The following RSBN1 variants were observed in gnomAD, a reference collection of about 807,000 sequenced individuals.
The protein encoded by RSBN1 is round spermatid basic protein 1.
A neutral mutation model predicts 74.8 loss-of-function variants in RSBN1; 23 were observed. The ratio of observed to expected loss-of-function variants is 0.31; its 90% CI spans 0.22 to 0.44. The LOEUF (loss-of-function observed/expected upper bound fraction) is 0.44, where lower values mean the gene tolerates loss of function less well. Among genes scored for constraint, RSBN1 ranks in the 20% least tolerant of loss-of-function variants. The pLI, the probability that RSBN1 is intolerant of heterozygous loss-of-function variation, is 1.00. For missense variants in RSBN1, 808 were observed against 1,020.9 expected (o/e 0.79, Z 2.84); for synonymous variants, 407 against 379.6 (o/e 1.07, Z -0.84).
chr1:113,811,911 A>C lies in RSBN1; in HGVS notation c.502T>G (p.Ser168Ala), dbSNP rs768643472. The change falls in exon 1 of 7, where the codon TCG becomes GCG. Residue 168 changes from serine (S) to alanine (A), a missense_variant. Ser to Ala is a moderately conservative substitution (Grantham distance 99). Around this residue, in one of 6 missense-constraint regions of RSBN1, gnomAD observed 464 missense variants for 401.0 expected, o/e 1.16. Transcript: ENST00000261441. ...VAAPLPAPST[S>A]ALFTFSPLTV... ...AGAGGCGAGAAGGTGAAGAGGGCCG[A>C]GGTGCTTGGGGCCGGGAGAGGGGCA... 12 of 1,608,724 alleles carry C rather than the reference A, an allele frequency of 7.5e-6. No homozygotes were observed. In the African/African-American group the frequency reaches 1.5e-4, roughly 20 times the overall value.
chr1:113,777,214 G>A lies in RSBN1; in HGVS notation c.1654C>T (p.Arg552Ter), dbSNP rs1660049718. Reference protein sequence around the residue: ...ADMPKSPFKRRRSMNEIKNLQ... With the variant: ...ADMPKSPFKR ...TTGAGAAAAAGAAATATTTACCGTCGTCTTTTGAAGGGTGACTTTGGCATA... is the reference window on the plus strand; with the variant it reads ...TTGAGAAAAAGAAATATTTACCGTCATCTTTTGAAGGGTGACTTTGGCATA... Residue 552 changes from arginine to a stop codon, truncating the protein, a stop_gained, in exon 4 of 7, where the codon CGA becomes TGA. Transcript: ENST00000261441. LOFTEE classifies it high-confidence loss of function. 2.5e-6 allele frequency: 4 copies of A among 1,601,064 alleles called. No homozygotes were observed. Among genetic ancestry groups the A allele is most frequent in the African/African-American group, 1.3e-5 (1 of 74,526 alleles).
intron 2 of RSBN1, among the ~76,000 whole-genome samples, chr1:113,779,531 T>C (rs202020574): frequency 6.6e-6 from 1 of 152,210 alleles, no homozygotes; most frequent in South Asian, 2.1e-4. Flanking sequence ...AAGTTTGGTA[T>C]GATCATCATG....
chr1:113,788,155 T>C (rs112332353), intron 2 of RSBN1, among the ~76,000 whole-genome samples: 416 of 152,088 alleles, frequency 2.7e-3, no homozygotes, highest in African/African-American at 9.6e-3. Context: ...ATTAAGAAGC[T>C]AGTTAAATCT....
Position 113,803,053 on chromosome 1 carries a change from T to C in RSBN1, c.704-5017A>G, listed in dbSNP as rs560027446. Among the ~76,000 whole-genome samples the C allele has an allele frequency of 1.2e-4, 18 of 152,242 alleles. No homozygotes were observed. In the South Asian group the frequency reaches 1.4e-3, roughly 12 times the overall value. On this transcript the variant is annotated intron_variant, in intron 1 of 6. Coordinates refer to ENST00000261441, the MANE Select transcript of RSBN1 (RefSeq NM_018364.5). ...AGCAACCACTGATCTTTTAACTTTCTTGATAGTTTTGCCTTTTCCAGAGTG... is the reference window on the plus strand; with the variant it reads ...AGCAACCACTGATCTTTTAACTTTCCTGATAGTTTTGCCTTTTCCAGAGTG...
chr1:113,789,039 C>A (rs555174441), intron 2 of RSBN1, among the ~76,000 whole-genome samples: 34 of 152,232 alleles, frequency 2.2e-4, no homozygotes, highest in African/African-American at 7.9e-4. Flanking sequence ...AGGTAGGGCT[C>A]CTAAACTCCT....
At position 113,811,622 on chromosome 1, in the gene RSBN1, G is replaced by A; in HGVS notation, c.703+88C>T. ...AAGTACAGCAGCAGAAGGTAAGCAG[G>A]GGTTTGGCGTCTTTCAGTCCTAAAG... On this transcript the variant is annotated intron_variant, in intron 1 of 6. Transcript: ENST00000261441. 5 of 1,482,014 alleles carry A rather than the reference G, an allele frequency of 3.4e-6. No individual in the cohort carries two copies. In the East Asian group the frequency reaches 9.5e-5, roughly 28 times the overall value. The allele number at this position is 1,482,014 out of a possible 1,614,324, so 91.8% of individuals were successfully genotyped here. A position where few individuals can be genotyped will look rare whatever the true frequency, so the allele number is the denominator to read the frequency against.
intron 2 of RSBN1, among the ~76,000 whole-genome samples, chr1:113,778,809 G>A (rs1224131302): frequency 3.3e-5 from 5 of 152,014 alleles, no homozygotes; most frequent in South Asian, 2.1e-4. Context: ...TGTTACCTAT[G>A]AGCAACATAT....
rs767216644 is a variant in RSBN1 at position 113,811,813 on chromosome 1, G to A, written c.600C>T (p.Pro200=). 3.7e-6 allele frequency: 6 copies of A among 1,613,650 alleles called. No homozygotes were observed. Among genetic ancestry groups the A allele is most frequent in the African/African-American group, 2.7e-5 (2 of 74,808 alleles). ...TTCCGCAGGAGCTGGGATCACCATC[G>A]GGGCCGCGGTGGTGATGGTGCTTGT... ...ERHKHHHHRG[P]DGDPSSCGTD... is the part of the protein sequence containing the mutation. The change falls in exon 1 of 7, where the codon CCC becomes CCT. Residue 200 remains proline, a synonymous_variant. Transcript: ENST00000261441.
chr1:113,783,511 T>C (rs544288038), intron 2 of RSBN1, among the ~76,000 whole-genome samples: 40 of 151,970 alleles, frequency 2.6e-4, no homozygotes, highest in Non-Finnish European at 5.1e-4. Context: ...TCACCAACTG[T>C]AGGAAACTAA....
chr1:113,795,044 C>T (rs1262651279), intron 2 of RSBN1, among the ~76,000 whole-genome samples: 1 of 152,220 alleles, frequency 6.6e-6, no homozygotes, highest in Admixed American at 6.5e-5. Flanking sequence ...TAAGTCCACA[C>T]TGCCCTAGGT....
chr1:113,788,693 C>T (rs6672018), intron 2 of RSBN1, among the ~76,000 whole-genome samples: 63,097 of 151,838 alleles, frequency 0.42, 14,160 homozygotes, highest in East Asian at 0.83. Flanking sequence ...AAGAAAAATT[C>T]TTCAGATGTG....
At chr1:113,772,640 ATTCCACCATT>A (rs1208584433) in intron 4 of RSBN1, among the ~76,000 whole-genome samples, 1 of 152,196 alleles carries the variant, frequency 6.6e-6, no homozygotes, top group Non-Finnish European at 1.5e-5. Context: ...TCACATTTTT[ATTCCACCATT>A]TTCCACAAGT....
At chr1:113,777,627 C>T in intron 3 of RSBN1, 44 bp downstream of exon 3, 1 of 1,565,734 alleles carries the variant, frequency 6.4e-7, no homozygotes, top group African/African-American at 1.4e-5. Context: ...AAAGTGCCCA[C>T]TTAAGTAAAG....
intron 1 of RSBN1, among the ~76,000 whole-genome samples, chr1:113,808,296 A>G (rs372921720): frequency 6.6e-6 from 1 of 152,296 alleles, no homozygotes. Context: ...GATTATTTAT[A>G]CCTAATACAA....
At chr1:113,774,502 A>G (rs1339392635) in intron 4 of RSBN1, among the ~76,000 whole-genome samples, 1 of 151,592 alleles carries the variant, frequency 6.6e-6, no homozygotes, top group African/African-American at 2.4e-5. Context: ...TTGAAACCCC[A>G]TCTCTACTAA....
chr1:113,777,591 T>C (rs991797800), intron 3 of RSBN1, 80 bp downstream of exon 3: 8 of 1,323,234 alleles, frequency 6.0e-6, no homozygotes, highest in Non-Finnish European at 8.3e-6. Context: ...CAATAGGCAA[T>C]ATTAGCTAAA....
At position 113,777,255 on chromosome 1, in the gene RSBN1, A is replaced by C; in HGVS notation, c.1613T>G (p.Met538Arg). 6.2e-7 allele frequency: 1 copy of C among 1,613,836 alleles called. No individual in the cohort carries two copies. The highest frequency in any genetic ancestry group is 1.1e-5 in the South Asian group (1 of 91,036). Residue 538 changes from methionine (M) to arginine (R), a missense_variant, in exon 4 of 7, where the codon ATG becomes AGG. Transcript: ENST00000261441. ...CTTTGGCATATCTGCTGTAGGGATC[A>C]TCTGTTCTCCTGGCCTTACCCACAT... Reference protein sequence around the residue: ...PIMWVRPGEQMIPTADMPKSP... With the variant: ...PIMWVRPGEQRIPTADMPKSP...
chr1:113,812,426 G>A lies in RSBN1; in HGVS notation c.-14C>T, dbSNP rs768891590. 6.3e-6 allele frequency: 10 copies of A among 1,577,802 alleles called. No individual in the cohort carries two copies. Among genetic ancestry groups the A allele is most frequent in the African/African-American group, 2.7e-5 (2 of 74,280 alleles). On this transcript the variant is annotated 5_prime_UTR_variant, in exon 1 of 7. It adds an upstream start codon to the 5' untranslated region. Coordinates refer to ENST00000261441, the MANE Select transcript of RSBN1 (RefSeq NM_018364.5). ...AGAGATGAACATGCCGGAAGCGGCC[G>A]TTCCCAGCTTTTCTCCGCAGGCCTC...
At chr1:113,799,203 C>T (rs1020487427) in intron 1 of RSBN1, among the ~76,000 whole-genome samples, 3 of 152,098 alleles carry the variant, frequency 2.0e-5, no homozygotes, top group African/African-American at 7.2e-5. Flanking sequence ...ATACACAATC[C>T]CCAATCTCTT....
Sources: allele counts gnomAD v4.1 joint callset (sites outside exome capture counted in the v4.1 genomes callset), GRCh38; gene constraint gnomAD v4.1.1; regional missense constraint gnomAD v4.1.1; transcripts MANE v1.5; gene names NCBI Gene and HGNC (gene_info 2026-07-23, HGNC 2026-07-21).